TMEM178A: variants seen among roughly 807,000 people sequenced by gnomAD.
TMEM178A encodes the protein transmembrane protein 178.
In TMEM178A, 12 loss-of-function variants were observed where a neutral mutation model predicts 29.1. The ratio of observed to expected loss-of-function variants is 0.41; its 90% CI spans 0.26 to 0.67. TMEM178A has a LOEUF of 0.67. TMEM178A is among the 30% of genes least tolerant of loss of function. The probability of loss-of-function intolerance (pLI) is 0.29; values close to 1 mark genes in which losing one functional copy is unlikely to be tolerated. For synonymous variants in TMEM178A, 210 were observed against 187.2 expected (o/e 1.12, Z -0.99); for missense variants, 366 against 419.1 (o/e 0.87, Z 1.11).
At chr2:39,727,912 A>G in the TMEM178A span, among the ~76,000 whole-genome samples, 2 of 152,186 alleles carry the variant, frequency 1.3e-5, no homozygotes, top group African/African-American at 4.8e-5. Context: ...TTATGGCAGC[A>G]TAGTATTCCA....
chr2:39,697,464 T>A (rs992475542), intron 1 of TMEM178A, among the ~76,000 whole-genome samples: 2 of 151,888 alleles, frequency 1.3e-5, no homozygotes, highest in African/African-American at 4.9e-5. Flanking sequence ...CTGCCTGAAG[T>A]CTCTAATCAT....
At chr2:39,733,997 TA>T in the TMEM178A span, among the ~76,000 whole-genome samples, 10 of 151,252 alleles carry the variant, frequency 6.6e-5, no homozygotes, top group Non-Finnish European at 1.2e-4. Flanking sequence ...CTCTTTAACA[TA>T]AAAAAAAAGC....
chr2:39,735,772 G>A, the TMEM178A span, among the ~76,000 whole-genome samples: 2 of 152,212 alleles, frequency 1.3e-5, no homozygotes, highest in African/African-American at 2.4e-5. Context: ...CGGTGGCTAC[G>A]TAGCCAAGAG....
At chr2:39,729,521 C>A in the TMEM178A span, among the ~76,000 whole-genome samples, 2 of 152,162 alleles carry the variant, frequency 1.3e-5, no homozygotes, top group African/African-American at 4.8e-5. Context: ...ACATCAATAT[C>A]TGTTCTTAAT....
Position 39,666,170 on chromosome 2 carries a change from C to A in TMEM178A, c.196C>A (p.Pro66Thr). The change falls in exon 1 of 4, where the codon CCG becomes ACG. Residue 66 changes from proline to threonine, a missense_variant. Physicochemically the swap from Pro to Thr is conservative, Grantham distance 38 (BLOSUM62 -1). Around this residue, in one of 2 missense-constraint regions of TMEM178A, gnomAD observed 247 missense variants for 246.8 expected, o/e 1.00. Coordinates refer to ENST00000281961, the MANE Select transcript of TMEM178A (RefSeq NM_152390.3). Reference sequence around the variant, plus strand: ...CCGCCTGATGCCGCTGTCGCACCTGCCGCTGCGGGACTCGCCCCCGCTGGG... The same window carrying A: ...CCGCCTGATGCCGCTGTCGCACCTGACGCTGCGGGACTCGCCCCCGCTGGG... ...KNRLMPLSHL[P>T]LRDSPPLGRR... is the part of the protein sequence containing the mutation. 2 of 1,485,296 alleles carry A rather than the reference C, an allele frequency of 1.3e-6. No homozygotes were observed. The highest frequency in any genetic ancestry group is 1.8e-6 in the Non-Finnish European group (2 of 1,122,922). The allele number at this position is 1,485,296 out of a possible 1,614,324, so 92.0% of individuals were successfully genotyped here. A position where few individuals can be genotyped will look rare whatever the true frequency, so the allele number is the denominator to read the frequency against.
intron 1 of TMEM178A, among the ~76,000 whole-genome samples, chr2:39,670,896 AC>A (rs2148053084): frequency 6.6e-6 from 1 of 152,330 alleles, no homozygotes; most frequent in South Asian, 2.1e-4. Flanking sequence ...TATTATATAT[AC>A]TTTGTGCATG....
chr2:39,731,064 C>G, the TMEM178A span, among the ~76,000 whole-genome samples: 9 of 152,326 alleles, frequency 5.9e-5, 1 homozygote, highest in South Asian at 1.9e-3. Context: ...AGTCTCTTGT[C>G]TCACTGTCAT....
At chr2:39,701,157 T>G (rs1436269052) in intron 1 of TMEM178A, among the ~76,000 whole-genome samples, 1 of 152,176 alleles carries the variant, frequency 6.6e-6, no homozygotes, top group Non-Finnish European at 1.5e-5. Context: ...GCTTTTTATT[T>G]TTTAAATATG....
intron 1 of TMEM178A, among the ~76,000 whole-genome samples, chr2:39,694,165 T>TAATAA (rs1463539138): frequency 6.8e-6 from 1 of 148,120 alleles, no homozygotes; most frequent in African/African-American, 2.5e-5. Context: ...GTAGTAGTAA[T>TAATAA]AATAATAATA....
chr2:39,725,218 C>T, the TMEM178A span, among the ~76,000 whole-genome samples: 8 of 152,144 alleles, frequency 5.3e-5, no homozygotes, highest in Admixed American at 3.3e-4. Flanking sequence ...CCTCAGAACC[C>T]TATCCCAAAC....
At chr2:39,732,125 GA>G in the TMEM178A span, among the ~76,000 whole-genome samples, 1 of 152,108 alleles carries the variant, frequency 6.6e-6, no homozygotes, top group South Asian at 2.1e-4. Context: ...CTCCTTCCAG[GA>G]AAAGTGTATA....
At chr2:39,718,783 G>C (rs540773867), downstream of TMEM178A, among the ~76,000 whole-genome samples, 4 of 152,058 alleles carry the variant, frequency 2.6e-5, no homozygotes, top group East Asian at 5.8e-4. Context: ...TGGGGCACTC[G>C]CCGACTTCTA....
At position 39,666,247 on chromosome 2, in the gene TMEM178A, C is replaced by T. The variant is rs764285669; in HGVS notation, c.273C>T (p.Arg91=). The change falls in exon 1 of 4, where the codon CGC becomes CGT. Residue 91 remains arginine (R), a synonymous_variant. Coordinates refer to ENST00000281961, the MANE Select transcript of TMEM178A (RefSeq NM_152390.3). Reference sequence around the variant, plus strand: ...GGCGCGCCGACCCCGAGTCCTGGCGCTCGCTCCTGGGGCTCGGCGGGCTGG... The same window carrying T: ...GGCGCGCCGACCCCGAGTCCTGGCGTTCGCTCCTGGGGCTCGGCGGGCTGG... ...GPGRADPESW[R]SLLGLGGLDA... is the part of the protein sequence containing the mutation. The T allele has an allele frequency of 4.4e-6, 6 of 1,359,392 alleles. No individual in the cohort carries two copies. The Admixed American group carries it at 2.2e-4, about 51-fold the overall frequency. 84.2% of individuals were successfully genotyped at this position (1,359,392 alleles called of 1,614,324 possible). A position where few individuals can be genotyped will look rare whatever the true frequency, so the allele number is the denominator to read the frequency against.
intron 1 of TMEM178A, among the ~76,000 whole-genome samples, chr2:39,667,593 A>G (rs1484558050): frequency 6.6e-6 from 1 of 152,212 alleles, no homozygotes; most frequent in East Asian, 1.9e-4. Flanking sequence ...GAATGGAATG[A>G]CATAGAAAAG....
the TMEM178A span, among the ~76,000 whole-genome samples, chr2:39,726,503 G>A: frequency 0.015 from 2,255 of 152,284 alleles, 41 homozygotes; most frequent in East Asian, 0.074. Flanking sequence ...AAGACTTCGG[G>A]TTTCATTCTG....
intron 1 of TMEM178A, among the ~76,000 whole-genome samples, chr2:39,691,038 GAAAC>G (rs1048228202): frequency 1.3e-5 from 2 of 152,106 alleles, no homozygotes; most frequent in Non-Finnish European, 1.5e-5. Flanking sequence ...GTAAGAGGGA[GAAAC>G]AAACAAACAA....
At chr2:39,670,558 C>T (rs909562704) in intron 1 of TMEM178A, among the ~76,000 whole-genome samples, 1 of 152,214 alleles carries the variant, frequency 6.6e-6, no homozygotes, top group Non-Finnish European at 1.5e-5. Context: ...AGAGTGATCA[C>T]ATGCAGCATC....
chr2:39,708,996 A>G lies in TMEM178A; in HGVS notation c.652+1810A>G, dbSNP rs1020351230. ...CTAATATTCCCCGAGATAGATAGCC[A>G]TTTTAAATAGGCTTATTTCCACTTG... On this transcript the variant is annotated intron_variant, in intron 3 of 3. Coordinates refer to ENST00000281961, the MANE Select transcript of TMEM178A (RefSeq NM_152390.3). Among the ~76,000 whole-genome samples the G allele has an allele frequency of 1.8e-4, 27 of 152,342 alleles. No homozygotes were observed. The Middle Eastern group carries it at 0.01, about 58-fold the overall frequency.
chr2:39,706,994 C>T, intron 2 of TMEM178A, 55 bp from the exon 3 acceptor site: 1 of 1,554,610 alleles, frequency 6.4e-7, no homozygotes, highest in South Asian at 1.3e-5. Context: ...TTCTCTAATT[C>T]TTAATGACTT....
Sources: gnomAD v4.1 joint callset for allele counts (sites outside exome capture counted in the v4.1 genomes callset) on GRCh38, gnomAD v4.1.1 for gene constraint, gnomAD v4.1.1 regional missense constraint, MANE v1.5 for transcripts, NCBI Gene and HGNC (gene_info 2026-07-23, HGNC 2026-07-21) for gene names.